The following EIF4G3 variants were observed in gnomAD, a reference collection of about 807,000 sequenced individuals.
EIF4G3 encodes eIF-4-gamma 3.
Under a neutral mutation model 186.4 loss-of-function variants are expected in EIF4G3, and 34 were observed. The observed-to-expected ratio is 0.18, with a 90% confidence interval of 0.14 to 0.24. The LOEUF is 0.24. EIF4G3 is among the 10% of genes least tolerant of loss of function. The pLI is 1.00. For synonymous variants in EIF4G3, 673 were observed against 679.5 expected (o/e 0.99, Z 0.15); for missense variants, 1,536 against 1,948.5 (o/e 0.79, Z 3.99).
In EIF4G3 at chr1:20,932,753, T is replaced by C. The variant is rs139414432; in HGVS notation, c.1663+8738A>G. ...CAACAGTAACATCAAAGATCACTGA[T>C]CACAGATCACTATAACACCTATAAT... On this transcript the variant is annotated intron_variant, in intron 14 of 36. Coordinates refer to ENST00000602326, the MANE Select transcript of EIF4G3 (RefSeq NM_001391906.1). 5.2e-3 allele frequency among the ~76,000 whole-genome samples: 786 copies of C among 152,198 alleles called. 7 individuals carry two copies. Among genetic ancestry groups the C allele is most frequent in the African/African-American group, 0.018 (755 of 41,524 alleles).
chr1:21,036,686 C>A (rs1199181666), intron 4 of EIF4G3, among the ~76,000 whole-genome samples: 1 of 152,118 alleles, frequency 6.6e-6, no homozygotes, highest in East Asian at 1.9e-4. Context: ...TCAAGGCCAG[C>A]CTGGGCAACA....
Position 20,810,711 on chromosome 1 carries a change from A to G in EIF4G3, c.4744+27T>C, listed in dbSNP as rs768638894. On this transcript the variant is annotated intron_variant, in intron 36 of 36. Transcript: ENST00000602326. The surrounding 1 kb of genome is among the most constrained non-coding windows in gnomAD (Gnocchi z 4.1). The stretch of plus-strand genomic sequence containing the variant: ...TGGATAAATCTCACTCATTGGTTAG[A>G]TTAACTGTAACATGAGATAAACTTA... 9 of 1,609,006 alleles carry G rather than the reference A, an allele frequency of 5.6e-6. No individual in the cohort carries two copies. In the East Asian group the frequency reaches 1.3e-4, roughly 24 times the overall value.
intron 33 of EIF4G3, among the ~76,000 whole-genome samples, chr1:20,820,468 C>A (rs548507567): frequency 6.6e-6 from 1 of 152,262 alleles, no homozygotes; most frequent in Non-Finnish European, 1.5e-5. Context: ...GGACCAAGCC[C>A]CAGGGCCATG....
intron 4 of EIF4G3, among the ~76,000 whole-genome samples, chr1:21,028,228 A>G (rs1028579762): frequency 2.0e-5 from 3 of 152,224 alleles, no homozygotes; most frequent in African/African-American, 7.2e-5. Flanking sequence ...ATCACTGCAT[A>G]TTATCAATGT....
intron 8 of EIF4G3, 45 bp downstream of exon 8, chr1:20,982,343 C>G: frequency 7.1e-7 from 1 of 1,413,582 alleles, no homozygotes; most frequent in Non-Finnish European, 9.4e-7. Flanking sequence ...TAATAATAAG[C>G]AGACTGAGTT....
At position 21,071,797 on chromosome 1, in the gene EIF4G3, C is replaced by A. The variant is rs149228237; in HGVS notation, c.-196+17341G>T. Among the ~76,000 whole-genome samples the A allele has an allele frequency of 9.6e-3, 1,408 of 146,608 alleles. 13 individuals are homozygous for A. The highest frequency in any genetic ancestry group is 0.024 in the Middle Eastern group (7 of 290). On this transcript the variant is annotated intron_variant, in intron 3 of 36. Transcript: ENST00000602326. ...CTCCAGCCTAGGTGACAGAGCGAGG[C>A]TCCGTCTCAAAAAAAAAAAAAGAGA...
At chr1:21,158,119 T>C (rs2097695115) in intron 2 of EIF4G3, among the ~76,000 whole-genome samples, 1 of 151,688 alleles carries the variant, frequency 6.6e-6, no homozygotes, top group African/African-American at 2.4e-5. Flanking sequence ...ACTGAAAGCA[T>C]GAGAAGACTT....
intron 29 of EIF4G3, among the ~76,000 whole-genome samples, chr1:20,845,671 A>T (rs977063819): frequency 2.0e-5 from 3 of 151,938 alleles, no homozygotes; most frequent in Non-Finnish European, 2.9e-5. Context: ...CAAGAAAAAA[A>T]ATAAATAATA....
intron 4 of EIF4G3, chr1:21,004,051 C>CA (rs2084347314): frequency 6.4e-6 from 1 of 156,702 alleles, no homozygotes; most frequent in Admixed American, 6.5e-5. Flanking sequence ...AAACCACAAA[C>CA]AAAATCAAAC....
intron 3 of EIF4G3, chr1:21,064,856 T>G (rs1020921038): frequency 6.6e-6 from 1 of 152,176 alleles, no homozygotes; most frequent in Non-Finnish European, 1.5e-5. Flanking sequence ...AGTGAAGACT[T>G]TTAACATCAT....
At chr1:20,987,515 G>A (rs35817955) in intron 7 of EIF4G3, among the ~76,000 whole-genome samples, 1,734 of 152,182 alleles carry the variant, frequency 0.011, 33 homozygotes, top group Non-Finnish European at 0.014. Flanking sequence ...TCACATTTTG[G>A]TAATTCTCCC....
intron 3 of EIF4G3, among the ~76,000 whole-genome samples, chr1:21,079,383 T>C (rs908586178): frequency 3.3e-5 from 5 of 151,894 alleles, no homozygotes; most frequent in African/African-American, 1.2e-4. Flanking sequence ...AAATGTATCA[T>C]GAGGCCAGGA....
At chr1:20,857,557 A>G (rs1571754455) in intron 24 of EIF4G3, 60 bp from the exon 25 acceptor site, 2 of 1,324,166 alleles carry the variant, frequency 1.5e-6, no homozygotes, top group East Asian at 4.6e-5. Flanking sequence ...ACATTGAAAG[A>G]GTGAGCAATA....
chr1:20,881,819 T>G (rs1280310516), intron 19 of EIF4G3, among the ~76,000 whole-genome samples: 1 of 149,648 alleles, frequency 6.7e-6, no homozygotes, highest in East Asian at 2.0e-4. Flanking sequence ...TAAAATAAAA[T>G]AAAATAAAAT....
chr1:20,853,434 G>T (rs189506657), intron 27 of EIF4G3, 126 bp downstream of exon 27: 178 of 580,252 alleles, frequency 3.1e-4, no homozygotes, highest in African/African-American at 3.0e-3. Context: ...GAAGATTAAA[G>T]AAATCAACTT....
chr1:20,895,909 G>A (rs140617272), intron 16 of EIF4G3, among the ~76,000 whole-genome samples: 1 of 151,804 alleles, frequency 6.6e-6, no homozygotes, highest in African/African-American at 2.4e-5. Context: ...CTGTAAAACA[G>A]CCTCAAGCAA....
intron 4 of EIF4G3, among the ~76,000 whole-genome samples, chr1:21,049,947 A>G (rs2094117965): frequency 6.6e-6 from 1 of 152,214 alleles, no homozygotes; most frequent in Non-Finnish European, 1.5e-5. Context: ...AATAAAAAAT[A>G]AAATCAGCCC....
At chr1:21,052,842 C>G (rs1475917721) in intron 3 of EIF4G3, among the ~76,000 whole-genome samples, 1 of 152,362 alleles carries the variant, frequency 6.6e-6, no homozygotes, top group East Asian at 1.9e-4. Flanking sequence ...CTCGGCCTCC[C>G]GAGGTGCCGG....
At chr1:20,982,767 T>C (rs1356501137) in intron 7 of EIF4G3, among the ~76,000 whole-genome samples, 2 of 152,350 alleles carry the variant, frequency 1.3e-5, no homozygotes, top group African/African-American at 4.8e-5. Context: ...ACCCATTTCA[T>C]GATCTGGCAT....
Sources: gnomAD v4.1 joint callset for allele counts (sites outside exome capture counted in the v4.1 genomes callset) on GRCh38, gnomAD v4.1.1 for gene constraint, Gnocchi (gnomAD v3.1) non-coding constraint, MANE v1.5 for transcripts, NCBI Gene and HGNC (gene_info 2026-07-23, HGNC 2026-07-21) for gene names.